Variants in DNER observed in about 807,000 individuals in gnomAD.
DNER encodes the protein delta and Notch-like epidermal growth factor-related receptor.
DNER carries 33 observed loss-of-function variants against 78.2 expected under a neutral mutation model. The ratio of observed to expected loss-of-function variants is 0.42; its 90% CI spans 0.32 to 0.56. The LOEUF is 0.56. Among genes scored for constraint, DNER ranks in the 20% least tolerant of loss-of-function variants. DNER has a pLI of 0.11. For missense variants in DNER, 918 were observed against 975.3 expected (o/e 0.94, Z 0.78); for synonymous variants, 417 against 384.8 (o/e 1.08, Z -0.98).
intron 1 of DNER, among the ~76,000 whole-genome samples, chr2:229,673,612 C>A (rs1447433348): frequency 1.3e-5 from 2 of 152,182 alleles, no homozygotes; most frequent in Non-Finnish European, 2.9e-5. Flanking sequence ...CTTATGTGTT[C>A]CAGTGCACAC....
intron 7 of DNER, among the ~76,000 whole-genome samples, chr2:229,468,608 A>C (rs1694855346): frequency 6.6e-6 from 1 of 152,110 alleles, no homozygotes; most frequent in Non-Finnish European, 1.5e-5. Flanking sequence ...TACCCGCCAA[A>C]TTATCTTTAA....
chr2:229,586,544 AAAAAAACACACAAAAC>A, intron 3 of DNER: 1 of 167,694 alleles, frequency 6.0e-6, no homozygotes, highest in Non-Finnish European at 8.8e-6. Flanking sequence ...AAAAAAAAAA[AAAAAAACACACAAAAC>A]CACCCCACAG....
chr2:229,470,894 A>G (rs1694911292), intron 7 of DNER, among the ~76,000 whole-genome samples: 1 of 152,150 alleles, frequency 6.6e-6, no homozygotes, highest in Non-Finnish European at 1.5e-5. Flanking sequence ...ACACTTAATA[A>G]ATCTTAATAC....
At chr2:229,450,943 A>G (rs6743257) in intron 7 of DNER, among the ~76,000 whole-genome samples, 49,560 of 152,052 alleles carry the variant, frequency 0.33, 8,255 homozygotes, top group African/African-American at 0.38. Context: ...GGGAAGCGAT[A>G]ATTAGGATCT....
At chr2:229,682,340 A>G (rs1699401112) in intron 1 of DNER, among the ~76,000 whole-genome samples, 1 of 152,240 alleles carries the variant, frequency 6.6e-6, no homozygotes, top group South Asian at 2.1e-4. Flanking sequence ...AGAAGACTCA[A>G]TATTTTCTGA....
At chr2:229,682,956 C>T (rs1057176579) in intron 1 of DNER, among the ~76,000 whole-genome samples, 2 of 152,114 alleles carry the variant, frequency 1.3e-5, no homozygotes, top group Admixed American at 6.5e-5. Flanking sequence ...CAAGATTGAA[C>T]TATACAACTG....
chr2:229,503,000 C>T (rs1258098119), intron 6 of DNER, among the ~76,000 whole-genome samples: 1 of 152,174 alleles, frequency 6.6e-6, no homozygotes, highest in East Asian at 1.9e-4. Context: ...GTAATAACAA[C>T]TATAATTTTT....
intron 6 of DNER, among the ~76,000 whole-genome samples, chr2:229,477,615 G>C (rs1473593173): frequency 2.0e-5 from 3 of 152,138 alleles, no homozygotes; most frequent in African/African-American, 7.2e-5. Flanking sequence ...TGTTCAGCTT[G>C]ATCTAACTGA....
At chr2:229,426,088 T>C (rs1693870297) in intron 8 of DNER, among the ~76,000 whole-genome samples, 1 of 152,150 alleles carries the variant, frequency 6.6e-6, no homozygotes. Context: ...CCCATGACTT[T>C]CTGATTCAAG....
intron 7 of DNER, among the ~76,000 whole-genome samples, chr2:229,461,337 C>T (rs922155121): frequency 3.3e-5 from 5 of 152,172 alleles, no homozygotes; most frequent in Admixed American, 2.6e-4. Flanking sequence ...GGTAAAGTTT[C>T]TCTTTTTATT....
chr2:229,710,486 C>A (rs1217725303), intron 1 of DNER, among the ~76,000 whole-genome samples: 2 of 152,168 alleles, frequency 1.3e-5, no homozygotes, highest in Non-Finnish European at 2.9e-5. Context: ...AGGGACAGCA[C>A]CCAGCTCATA....
At chr2:229,564,886 C>A (rs1312422299) in intron 4 of DNER, among the ~76,000 whole-genome samples, 2 of 152,086 alleles carry the variant, frequency 1.3e-5, no homozygotes, top group African/African-American at 4.8e-5. Flanking sequence ...CTGGGAAGTA[C>A]AAGTAGATTG....
intron 5 of DNER, 119 bp from the exon 6 acceptor site, chr2:229,513,055 T>A (rs1695904467): frequency 2.7e-6 from 3 of 1,115,024 alleles, no homozygotes; most frequent in African/African-American, 3.1e-5. Context: ...TTTAATCAAA[T>A]CACTTATGTC....
intron 1 of DNER, among the ~76,000 whole-genome samples, chr2:229,693,143 G>C (rs1699609034): frequency 6.6e-6 from 1 of 151,884 alleles, no homozygotes; most frequent in South Asian, 2.1e-4. Context: ...CCATGCTGCT[G>C]TTCTCATGAT....
chr2:229,544,304 T>C (rs1232517240), intron 5 of DNER, among the ~76,000 whole-genome samples: 1 of 152,120 alleles, frequency 6.6e-6, no homozygotes, highest in Non-Finnish European at 1.5e-5. Flanking sequence ...GGAAGGAGCC[T>C]CCTGGCTCTG....
At chr2:229,650,137 C>T (rs1194685976) in intron 1 of DNER, among the ~76,000 whole-genome samples, 3 of 149,850 alleles carry the variant, frequency 2.0e-5, no homozygotes. Context: ...GTGTAACTTA[C>T]ATCCCATGAA....
At chr2:229,547,202 A>G (rs1574896311) in intron 4 of DNER, 110 bp from the exon 5 acceptor site, 1 of 1,444,108 alleles carries the variant, frequency 6.9e-7, no homozygotes, top group East Asian at 2.4e-5. Flanking sequence ...TAGTGTAGGC[A>G]GCACTCAAGT....
chr2:229,491,366 C>T (rs755666877), intron 6 of DNER, among the ~76,000 whole-genome samples: 15 of 152,184 alleles, frequency 9.9e-5, no homozygotes, highest in Non-Finnish European at 2.1e-4. Flanking sequence ...GCTCTCTGGG[C>T]CCTCTTTCAT....
rs112859099 is a variant in DNER, at chr2:229,537,935, G to A, written c.993+9012C>T. Reference sequence around the variant, plus strand: ...ATGTGATTGCATTTTCTGTGCAGGCGATGATACAATCATCCTTCTGTTCTG... The same window carrying A: ...ATGTGATTGCATTTTCTGTGCAGGCAATGATACAATCATCCTTCTGTTCTG... On this transcript the variant is annotated intron_variant, in intron 5 of 12. Coordinates refer to ENST00000341772, the MANE Select transcript of DNER (RefSeq NM_139072.4). 9.7e-3 allele frequency among the ~76,000 whole-genome samples: 1,475 copies of A among 152,138 alleles called. 29 individuals are homozygous for A. The highest frequency in any genetic ancestry group is 0.034 in the African/African-American group (1,397 of 41,486).
Sources: allele counts gnomAD v4.1 joint callset (sites outside exome capture counted in the v4.1 genomes callset), GRCh38; gene constraint gnomAD v4.1.1; transcripts MANE v1.5; gene names NCBI Gene and HGNC (gene_info 2026-07-23, HGNC 2026-07-21).